The following SYNPR variants were observed in gnomAD, a reference collection of about 807,000 sequenced individuals.
SYNPR encodes the protein synaptoporin.
Under a neutral mutation model 32.9 loss-of-function variants are expected in SYNPR, and 23 were observed. The observed-to-expected ratio is 0.70, with a 90% CI of 0.50 to 0.99. SYNPR has a LOEUF of 0.99. Among genes scored for constraint, SYNPR ranks in the 50% least tolerant of loss-of-function variants. The probability of loss-of-function intolerance (pLI) is 0.00; values close to 1 mark genes in which losing one functional copy is unlikely to be tolerated. For synonymous variants in SYNPR, 146 were observed against 135.9 expected (o/e 1.07, Z -0.52); for missense variants, 318 against 349.3 (o/e 0.91, Z 0.71).
chr3:63,541,326 G>A (rs1279625399), intron 3 of SYNPR, among the ~76,000 whole-genome samples: 2 of 151,798 alleles, frequency 1.3e-5, no homozygotes, highest in Non-Finnish European at 2.9e-5. Context: ...AATTGCACAT[G>A]GTAGAAGGGA....
chr3:63,242,775 C>A (rs1306842262), intron 1 of SYNPR, among the ~76,000 whole-genome samples: 1 of 151,720 alleles, frequency 6.6e-6, no homozygotes, highest in African/African-American at 2.4e-5. Flanking sequence ...CTAATAAGAA[C>A]AAATAGAATT....
chr3:63,438,543 T>C (rs1349062425), intron 2 of SYNPR, among the ~76,000 whole-genome samples: 1 of 152,170 alleles, frequency 6.6e-6, no homozygotes, highest in African/African-American at 2.4e-5. Context: ...CTAATAAATC[T>C]TCAAGTGATA....
intron 3 of SYNPR, among the ~76,000 whole-genome samples, chr3:63,492,737 G>A (rs1302923801): frequency 1.3e-5 from 2 of 152,262 alleles, no homozygotes; most frequent in Non-Finnish European, 2.9e-5. Context: ...GCAGGCATGG[G>A]GGAGTGTGGT....
At chr3:63,247,580 T>C (rs755189224) in intron 1 of SYNPR, among the ~76,000 whole-genome samples, 2 of 152,076 alleles carry the variant, frequency 1.3e-5, no homozygotes, top group African/African-American at 2.4e-5. Flanking sequence ...AGTGTATGTA[T>C]ACCTGAGAGT....
intron 4 of SYNPR, among the ~76,000 whole-genome samples, chr3:63,581,862 A>G (rs1703099292): frequency 6.6e-6 from 1 of 152,082 alleles, no homozygotes; most frequent in Non-Finnish European, 1.5e-5. Flanking sequence ...AACACATTTT[A>G]AAAGGTTATT....
At chr3:63,245,684 A>AGT (rs2086278602) in intron 1 of SYNPR, among the ~76,000 whole-genome samples, 1 of 59,958 alleles carries the variant, frequency 1.7e-5, no homozygotes, top group Non-Finnish European at 4.2e-5. Flanking sequence ...GTCAAGTGAG[A>AGT]GAGAGAGAGA....
chr3:63,274,437 G>C (rs1446500183), upstream of SYNPR, among the ~76,000 whole-genome samples: 1 of 152,044 alleles, frequency 6.6e-6, no homozygotes, highest in Non-Finnish European at 1.5e-5. Flanking sequence ...TAATTTGCCT[G>C]AATAATGCAA....
intron 3 of SYNPR, among the ~76,000 whole-genome samples, chr3:63,487,164 G>A (rs1701171574): frequency 6.6e-6 from 1 of 152,110 alleles, no homozygotes; most frequent in Non-Finnish European, 1.5e-5. Context: ...AAGATTATGA[G>A]TCAATCAAAT....
chr3:63,389,793 A>G (rs1259035371), intron 2 of SYNPR, among the ~76,000 whole-genome samples: 5 of 152,032 alleles, frequency 3.3e-5, no homozygotes, highest in Admixed American at 6.5e-5. Flanking sequence ...TTTTATTTGG[A>G]AAGTTATTTC....
chr3:63,319,989 A>C (rs2087091219), intron 2 of SYNPR, among the ~76,000 whole-genome samples: 2 of 151,952 alleles, frequency 1.3e-5, no homozygotes, highest in Admixed American at 1.3e-4. Flanking sequence ...TTGCCCTGTC[A>C]CCCGGGCTGC....
At chr3:63,513,472 C>T (rs1701736075) in intron 3 of SYNPR, among the ~76,000 whole-genome samples, 1 of 152,050 alleles carries the variant, frequency 6.6e-6, no homozygotes, top group South Asian at 2.1e-4. Context: ...TTTTTAATAG[C>T]TGCATGGTAT....
intron 2 of SYNPR, among the ~76,000 whole-genome samples, chr3:63,432,749 C>T (rs1164408319): frequency 4.6e-5 from 7 of 152,128 alleles, no homozygotes; most frequent in Non-Finnish European, 8.8e-5. Flanking sequence ...GCTTCTCTCA[C>T]CTTTGGTGAG....
chr3:63,434,311 G>T (rs573620971), intron 2 of SYNPR, among the ~76,000 whole-genome samples: 1 of 152,336 alleles, frequency 6.6e-6, no homozygotes, highest in African/African-American at 2.4e-5. Flanking sequence ...CTTTAGGAGA[G>T]AGAGTACATT....
rs541207543 is a variant in SYNPR at position 63,596,315 on chromosome 3, C to T, written c.409-12810C>T. ...TCCCCCTCCTCCCCCTTCTCCTTCC[C>T]CAATGCTCCCCCTTCCCCCTCCACT... is the stretch of plus-strand genomic sequence containing the variant. On this transcript the variant is annotated intron_variant, in intron 4 of 5. Coordinates refer to ENST00000478300, the MANE Select transcript of SYNPR (RefSeq NM_001130003.2). 5.4e-4 allele frequency among the ~76,000 whole-genome samples: 74 copies of T among 137,924 alleles called. 1 individual carries two copies. In the South Asian group the frequency reaches 0.019, roughly 34 times the overall value. 90.5% of individuals were successfully genotyped at this position (137,924 alleles called of 152,430 possible). A position where few individuals can be genotyped will look rare whatever the true frequency, so the allele number is the denominator to read the frequency against.
chr3:63,331,609 G>C (rs1203760568), intron 2 of SYNPR, among the ~76,000 whole-genome samples: 3 of 151,782 alleles, frequency 2.0e-5, no homozygotes, highest in Non-Finnish European at 4.4e-5. Context: ...GTCTAGAAGG[G>C]GCTTGGGCTT....
chr3:63,437,500 C>T (rs1189775772), intron 2 of SYNPR, among the ~76,000 whole-genome samples: 1 of 148,618 alleles, frequency 6.7e-6, no homozygotes, highest in Non-Finnish European at 1.5e-5. Context: ...TTTGAAGGGG[C>T]AAATTGAAAA....
At position 63,587,828 on chromosome 3, in the gene SYNPR, C is replaced by T. The variant is rs575248258; in HGVS notation, c.409-21297C>T. 7.9e-5 allele frequency among the ~76,000 whole-genome samples: 12 copies of T among 152,126 alleles called. No individual in the cohort carries two copies. The East Asian group carries it at 2.1e-3, about 27-fold the overall frequency. On this transcript the variant is annotated intron_variant, in intron 4 of 5. Transcript: ENST00000478300. ...AGGTGCAATCATAGCACACTATGGC[C>T]TCAAACTCCAGGCCTCAGGGGATCC...
Position 63,397,824 on chromosome 3 carries a change from T to C in SYNPR, c.85-83008T>C, listed in dbSNP as rs544733840. 2.6e-5 allele frequency among the ~76,000 whole-genome samples: 4 copies of C among 152,312 alleles called. No individual in the cohort carries two copies. In the South Asian group the frequency reaches 8.3e-4, roughly 32 times the overall value. ...CCTCAAAAAATACGATAATGGCTCA[T>C]AAAAGCATTCAAGAGACATTAATTC... On this transcript the variant is annotated intron_variant, in intron 2 of 5. Transcript: ENST00000478300.
chr3:63,530,558 G>C (rs929416763), intron 3 of SYNPR, among the ~76,000 whole-genome samples: 19 of 152,348 alleles, frequency 1.2e-4, no homozygotes, highest in African/African-American at 4.6e-4. Context: ...CAGATGGGAA[G>C]CATGCGTTCC....
Sources: allele counts gnomAD v4.1 joint callset (sites outside exome capture counted in the v4.1 genomes callset), GRCh38; gene constraint gnomAD v4.1.1; transcripts MANE v1.5; gene names NCBI Gene and HGNC (gene_info 2026-07-23, HGNC 2026-07-21).